The following TNS1 variants were observed in gnomAD, a reference collection of about 807,000 sequenced individuals.
TNS1 encodes the protein tensin-1.
Under a neutral mutation model 168.6 loss-of-function variants are expected in TNS1, and 62 were observed. The observed-to-expected ratio is 0.37, with a 90% CI of 0.30 to 0.45. The LOEUF is 0.45. Ranked by LOEUF, TNS1 falls within the 20% of genes least tolerant of loss-of-function variation. The probability of loss-of-function intolerance (pLI) is 1.00; values close to 1 mark genes in which losing one functional copy is unlikely to be tolerated. For missense variants in TNS1, 2,240 were observed against 2,339.4 expected, an observed-to-expected ratio of 0.96 and a Z score of 0.88; for synonymous variants, 934 against 933.2, an observed-to-expected ratio of 1.00 and a Z score of -0.02.
At position 217,848,456 on chromosome 2, in the gene TNS1, C is replaced by T. The variant is rs1946996793; in HGVS notation, c.2061G>A (p.Glu687=). 1.2e-6 allele frequency: 2 copies of T among 1,612,826 alleles called. No individual in the cohort carries two copies. The highest frequency in any genetic ancestry group is 1.7e-6 in the Non-Finnish European group (2 of 1,179,194). The stretch of plus-strand genomic sequence containing the variant: ...GGGCAGGCCCCGCCCGGCTGGCAGA[C>T]TCGTAGGGGTAGCCTCCTCCATTGA... The part of the protein sequence containing the change: ...PMVNGGGYPY[E]SASRAGPAHA... The change falls in exon 19 of 33, where the codon GAG becomes GAA. Residue 687 remains glutamate, a synonymous_variant. Coordinates refer to ENST00000682258, the MANE Select transcript of TNS1 (RefSeq NM_001387777.1).
intron 24 of TNS1, 79 bp downstream of exon 24, chr2:217,817,611 T>A: frequency 7.9e-7 from 1 of 1,263,902 alleles, no homozygotes; most frequent in Non-Finnish European, 1.1e-6. Flanking sequence ...AATGTCAGAA[T>A]AGACACTGGG....
chr2:217,961,241 A>T (rs1438940145), intron 3 of TNS1, among the ~76,000 whole-genome samples: 12 of 137,344 alleles, frequency 8.7e-5, no homozygotes, highest in African/African-American at 3.6e-4. Context: ...TCTCTCACAC[A>T]CACACACACA....
At chr2:217,851,471 ACACC>A (rs1357299418) in intron 18 of TNS1, among the ~76,000 whole-genome samples, 5 of 149,564 alleles carry the variant, frequency 3.3e-5, no homozygotes, top group African/African-American at 1.3e-4. Flanking sequence ...ACACACACAC[ACACC>A]CCAGGGACTG....
intron 4 of TNS1, among the ~76,000 whole-genome samples, chr2:217,913,002 C>T (rs554896898): frequency 2.0e-5 from 3 of 152,292 alleles, no homozygotes; most frequent in East Asian, 3.9e-4. Flanking sequence ...ATCAGATCTG[C>T]GCCTCCGAGT....
At chr2:217,830,402 AG>A in intron 22 of TNS1, 1 of 1,614,028 alleles carries the variant, frequency 6.2e-7, no homozygotes, top group Non-Finnish European at 8.5e-7. Context: ...TAAGGAAAAA[AG>A]TAAAGTTGAC....
intron 2 of TNS1, among the ~76,000 whole-genome samples, chr2:217,985,912 G>A (rs1051945986): frequency 1.3e-5 from 2 of 152,104 alleles, no homozygotes; most frequent in Non-Finnish European, 2.9e-5. Context: ...GGTGGGCAGG[G>A]GTCCCAGAGC....
At chr2:217,811,619 G>A (rs1333446369) in intron 28 of TNS1, among the ~76,000 whole-genome samples, 1 of 152,174 alleles carries the variant, frequency 6.6e-6, no homozygotes, top group Admixed American at 6.5e-5. Context: ...CTTGCACTGC[G>A]GGTGAGGCCA....
intron 28 of TNS1, 138 bp downstream of exon 28, chr2:217,812,230 G>A: frequency 1.6e-6 from 1 of 614,188 alleles, no homozygotes; most frequent in Non-Finnish European, 2.8e-6. Flanking sequence ...AAGGAGAGTA[G>A]TTTTGAGTTT....
intron 3 of TNS1, among the ~76,000 whole-genome samples, chr2:217,972,624 G>A (rs1216597601): frequency 2.6e-5 from 4 of 152,228 alleles, no homozygotes; most frequent in African/African-American, 4.8e-5. Flanking sequence ...AAGGAAGGAA[G>A]CCAGTGGATA....
chr2:217,823,225 G>T (rs991495921), intron 22 of TNS1, among the ~76,000 whole-genome samples: 2 of 152,194 alleles, frequency 1.3e-5, no homozygotes, highest in African/African-American at 2.4e-5. Flanking sequence ...GTTGGGTCAG[G>T]CTGTCACTGT....
At chr2:218,004,455 A>T (rs1032574582), upstream of TNS1, among the ~76,000 whole-genome samples, 3 of 152,050 alleles carry the variant, frequency 2.0e-5, no homozygotes, top group Admixed American at 1.3e-4. Flanking sequence ...TTTCACAGGG[A>T]TCTGCCCAGC....
intron 1 of TNS1, among the ~76,000 whole-genome samples, chr2:218,031,514 G>A (rs1438718717): frequency 2.1e-5 from 3 of 142,560 alleles, no homozygotes; most frequent in Non-Finnish European, 4.6e-5. Context: ...GTGTATGAGT[G>A]TGTCTTGTGT....
At chr2:218,015,403 C>A (rs1008118739), upstream of TNS1, among the ~76,000 whole-genome samples, 1 of 151,990 alleles carries the variant, frequency 6.6e-6, no homozygotes, top group Non-Finnish European at 1.5e-5. Flanking sequence ...TCATAGATAT[C>A]CCAAGGAGGT....
chr2:217,964,293 T>C (rs1406604707), intron 3 of TNS1, among the ~76,000 whole-genome samples: 6 of 152,254 alleles, frequency 3.9e-5, no homozygotes, highest in Non-Finnish European at 8.8e-5. Context: ...GCAAGATCTA[T>C]GTTTATGACT....
chr2:218,031,108 G>C (rs956430741), intron 1 of TNS1, among the ~76,000 whole-genome samples: 1 of 107,910 alleles, frequency 9.3e-6, no homozygotes, highest in African/African-American at 6.8e-5. Context: ...CTGTGTGTAT[G>C]AGTGTGTGTG....
intron 1 of TNS1, among the ~76,000 whole-genome samples, chr2:218,029,134 T>C (rs1017596594): frequency 6.6e-6 from 1 of 152,206 alleles, no homozygotes; most frequent in African/African-American, 2.4e-5. Context: ...TGAGTAAGAC[T>C]TAGAGAGGTG....
chr2:217,931,070 C>T (rs960039880), intron 3 of TNS1, among the ~76,000 whole-genome samples: 3 of 152,160 alleles, frequency 2.0e-5, no homozygotes, highest in Admixed American at 1.3e-4. Flanking sequence ...ATGCCAGGTT[C>T]CCAGCTCTGG....
Position 217,813,754 on chromosome 2 carries a change from GGAA to G in TNS1, c.4789_4791del (p.Phe1597del), listed in dbSNP as rs1484271797. On this transcript the variant is annotated inframe_deletion, in exon 26 of 33. Transcript: ENST00000682258. This position sits in a 1 kb window ranked among gnomAD's most constrained non-coding sequence, Gnocchi z 4.0. ...TTCATGGCCAGCCCGTACGCGCCTCGGAAGGAGTGACTGTCGCGGATGATGAAG... is the reference window on the plus strand; with the variant it reads ...TTCATGGCCAGCCCGTACGCGCCTCGGGAGTGACTGTCGCGGATGATGAAG... 6.2e-7 allele frequency: 1 copy of G among 1,613,902 alleles called. No homozygotes were observed. The highest frequency in any genetic ancestry group is 1.3e-5 in the African/African-American group (1 of 74,922).
chr2:217,813,365 C>G lies in TNS1; in HGVS notation c.4862-58G>C. On this transcript the variant is annotated intron_variant, in intron 26 of 32. Coordinates refer to ENST00000682258, the MANE Select transcript of TNS1 (RefSeq NM_001387777.1). The surrounding 1 kb of genome is among the most constrained non-coding windows in gnomAD (Gnocchi z 4.0). ...CCTGCCCATGGCTTCCTCCCACCAC[C>G]TCCCAAGACTGCTTCAAAACTTCCG... 1 of 1,346,914 alleles carries G rather than the reference C, an allele frequency of 7.4e-7. No individual in the cohort carries two copies. The highest frequency in any genetic ancestry group is 1.0e-6 in the Non-Finnish European group (1 of 960,274). The allele number at this position is 1,346,914 out of a possible 1,614,324, so 83.4% of individuals were successfully genotyped here. A position where few individuals can be genotyped will look rare whatever the true frequency, so the allele number is the denominator to read the frequency against.
Sources: gnomAD v4.1 joint callset for allele counts (sites outside exome capture counted in the v4.1 genomes callset) on GRCh38, gnomAD v4.1.1 for gene constraint, Gnocchi (gnomAD v3.1) non-coding constraint, MANE v1.5 for transcripts, NCBI Gene and HGNC (gene_info 2026-07-23, HGNC 2026-07-21) for gene names.